Variants in RBMS1 observed in about 807,000 individuals in gnomAD.
RBMS1 encodes RNA binding motif single stranded interacting protein 1, also known as RNA-binding motif, single-stranded-interacting protein 1.
In RBMS1, 17 loss-of-function variants were observed where a neutral mutation model predicts 62.3. The ratio of observed to expected loss-of-function variants is 0.27; its 90% CI spans 0.19 to 0.41. The LOEUF (loss-of-function observed/expected upper bound fraction) is 0.41. Among genes scored for constraint, RBMS1 ranks in the 10% least tolerant of loss-of-function variants. The probability of loss-of-function intolerance (pLI) is 1.00; values close to 1 mark genes in which losing one functional copy is unlikely to be tolerated. For missense variants in RBMS1, 334 were observed against 504.5 expected (o/e 0.66, Z 3.24); for synonymous variants, 172 against 170.0 (o/e 1.01, Z -0.09).
intron 1 of RBMS1, among the ~76,000 whole-genome samples, chr2:160,388,473 C>T (rs1309574038): frequency 6.6e-6 from 1 of 152,158 alleles, no homozygotes; most frequent in African/African-American, 2.4e-5. Context: ...AGACCCAGTG[C>T]CCCTGCTAAG....
At chr2:160,407,025 G>GA (rs1033715025) in intron 1 of RBMS1, among the ~76,000 whole-genome samples, 2 of 149,028 alleles carry the variant, frequency 1.3e-5, no homozygotes, top group African/African-American at 4.9e-5. Flanking sequence ...CACACACAGA[G>GA]ACACAGACAC....
chr2:160,282,102 C>A (rs1160244806), intron 9 of RBMS1: 2 of 577,374 alleles, frequency 3.5e-6, no homozygotes, highest in African/African-American at 3.9e-5. Context: ...TCTTGATGCC[C>A]AGAGCTTTCC....
intron 1 of RBMS1, among the ~76,000 whole-genome samples, chr2:160,439,704 T>G (rs375286651): frequency 3.9e-5 from 6 of 152,146 alleles, no homozygotes; most frequent in African/African-American, 1.2e-4. Flanking sequence ...CAAGGCAGGC[T>G]GCTGGGAGGT....
At chr2:160,291,750 G>T (rs1183727374) in intron 6 of RBMS1, among the ~76,000 whole-genome samples, 2 of 152,026 alleles carry the variant, frequency 1.3e-5, no homozygotes, top group East Asian at 3.9e-4. Flanking sequence ...TGCTCCTGCT[G>T]GGTTTGAGTT....
chr2:160,383,544 T>C (rs1055651495), intron 1 of RBMS1, among the ~76,000 whole-genome samples: 4 of 151,992 alleles, frequency 2.6e-5, no homozygotes. Context: ...TACAAAATGA[T>C]GGAGTACTTA....
At chr2:160,441,579 T>C (rs1162112673) in intron 1 of RBMS1, among the ~76,000 whole-genome samples, 1 of 152,152 alleles carries the variant, frequency 6.6e-6, no homozygotes, top group Non-Finnish European at 1.5e-5. Context: ...TAAAAAATTA[T>C]CTGGGTATAG....
At chr2:160,300,802 T>C in intron 5 of RBMS1, 72 bp from the exon 6 acceptor site, 3 of 1,385,526 alleles carry the variant, frequency 2.2e-6, no homozygotes, top group South Asian at 1.7e-5. Context: ...GGTGCATGCA[T>C]AAACATTCTT....
intron 1 of RBMS1, among the ~76,000 whole-genome samples, chr2:160,483,817 A>T (rs1165089807): frequency 1.3e-5 from 2 of 152,082 alleles, no homozygotes; most frequent in Non-Finnish European, 2.9e-5. Context: ...CCCTTGCTGG[A>T]TAGGGGTATG....
intron 1 of RBMS1, among the ~76,000 whole-genome samples, chr2:160,422,924 T>G (rs1696490654): frequency 6.6e-6 from 1 of 152,182 alleles, no homozygotes; most frequent in South Asian, 2.1e-4. Context: ...ATTCCAAACC[T>G]TTTAGTTTTT....
chr2:160,277,688 C>T lies in RBMS1; in HGVS notation c.1063-305G>A, dbSNP rs143615795. On this transcript the variant is annotated intron_variant, in intron 11 of 13. Transcript: ENST00000348849. ...TGTCACTCTCAATAATTCAGTATCA[C>T]TAATGTGTGATTTTAGAAGATCTCT... The T allele has an allele frequency of 4.6e-4, 117 of 255,808 alleles. No homozygotes were observed. In the Middle Eastern group the frequency reaches 5.6e-3, roughly 12 times the overall value. 15.8% of individuals were successfully genotyped at this position (255,808 alleles called of 1,614,324 possible). A position where few individuals can be genotyped will look rare whatever the true frequency, so the allele number is the denominator to read the frequency against.
chr2:160,342,548 A>G (rs1260007820), intron 2 of RBMS1, among the ~76,000 whole-genome samples: 1 of 152,062 alleles, frequency 6.6e-6, no homozygotes, highest in Non-Finnish European at 1.5e-5. Context: ...ATATATATAT[A>G]TATGTGTGAA....
At chr2:160,336,635 T>A (rs1294373232) in intron 2 of RBMS1, among the ~76,000 whole-genome samples, 1 of 152,190 alleles carries the variant, frequency 6.6e-6, no homozygotes, top group African/African-American at 2.4e-5. Flanking sequence ...CAATACAGTA[T>A]CTCCAAAATA....
chr2:160,367,510 A>C (rs1693474709), intron 1 of RBMS1, 119 bp from the exon 2 acceptor site: 3 of 1,469,808 alleles, frequency 2.0e-6, no homozygotes, highest in Non-Finnish European at 2.7e-6. Flanking sequence ...TATAAATTTT[A>C]ATTTACACTT....
intron 1 of RBMS1, among the ~76,000 whole-genome samples, chr2:160,439,623 C>T (rs1182106978): frequency 7.2e-5 from 11 of 151,884 alleles, no homozygotes; most frequent in East Asian, 5.9e-4. Flanking sequence ...GGCGGCCAGG[C>T]GGAGACGCTC....
chr2:160,456,413 T>G (rs968027099), intron 1 of RBMS1, among the ~76,000 whole-genome samples: 10 of 152,168 alleles, frequency 6.6e-5, no homozygotes, highest in African/African-American at 2.4e-4. Flanking sequence ...TAGGGAAGTT[T>G]TTTTATTATT....
At chr2:160,375,707 C>T (rs778685018) in intron 1 of RBMS1, among the ~76,000 whole-genome samples, 6 of 152,146 alleles carry the variant, frequency 3.9e-5, no homozygotes, top group Middle Eastern at 3.4e-3. Flanking sequence ...GTAATTAGAA[C>T]GCAGTAAACA....
In RBMS1 at chr2:160,313,280, C is replaced by T. The variant is rs201457370; in HGVS notation, c.311-33G>A. 4.4e-6 allele frequency: 7 copies of T among 1,597,584 alleles called. No homozygotes were observed. In the East Asian group the frequency reaches 1.3e-4, roughly 31 times the overall value. On this transcript the variant is annotated intron_variant, in intron 3 of 13. Transcript: ENST00000348849. ...GCAAAAACACACTTAGTATTTAAGC[C>T]ATTATTCTGTGGTTAGGTAAAAGGG...
chr2:160,451,569 A>C (rs529840402), intron 1 of RBMS1, among the ~76,000 whole-genome samples: 72 of 152,234 alleles, frequency 4.7e-4, no homozygotes, highest in South Asian at 1.0e-3. Context: ...CACCAGACAA[A>C]ATATAGAAAT....
In RBMS1 at chr2:160,389,155, G is replaced by A. The variant is rs575909098; in HGVS notation, c.76-21764C>T. Among the ~76,000 whole-genome samples, 3 of 152,296 alleles carry A rather than the reference G, an allele frequency of 2.0e-5. No homozygotes were observed. The South Asian group carries it at 6.2e-4, about 32-fold the overall frequency. On this transcript the variant is annotated intron_variant, in intron 1 of 13. Transcript: ENST00000348849. ...GACAATTCTTGCTGAGATAATGACCGATAAGTATACCTAACTTCACACCCT... is the reference window on the plus strand; with the variant it reads ...GACAATTCTTGCTGAGATAATGACCAATAAGTATACCTAACTTCACACCCT...
Sources: allele counts gnomAD v4.1 joint callset (sites outside exome capture counted in the v4.1 genomes callset), GRCh38; gene constraint gnomAD v4.1.1; transcripts MANE v1.5; gene names NCBI Gene and HGNC (gene_info 2026-07-23, HGNC 2026-07-21).